The following RBBP9 variants were observed in gnomAD, a reference collection of about 807,000 sequenced individuals.
RBBP9 encodes the protein serine hydrolase RBBP9.
A neutral mutation model predicts 24.2 loss-of-function variants in RBBP9; 20 were observed. The ratio of observed to expected loss-of-function variants is 0.83; its 90% CI spans 0.58 to 1.20. RBBP9 has a LOEUF of 1.20. Among genes scored for constraint, RBBP9 ranks in the 50% most tolerant of loss-of-function variants. The probability of loss-of-function intolerance (pLI) is 0.00; values close to 1 mark genes in which losing one functional copy is unlikely to be tolerated. For synonymous variants in RBBP9, 74 were observed against 84.6 expected (o/e 0.87, Z 0.69); for missense variants, 234 against 233.6 (o/e 1.00, Z -0.01).
intron 3 of RBBP9, among the ~76,000 whole-genome samples, chr20:18,491,717 GAGT>G (rs1181347425): frequency 2.0e-5 from 3 of 152,182 alleles, no homozygotes; most frequent in Non-Finnish European, 2.9e-5. Flanking sequence ...TGCCAAGAAA[GAGT>G]TAGGGTTGGT....
Position 18,489,998 on chromosome 20 carries a change from GAA to G in RBBP9, c.335-10_335-9del. 2.0e-6 allele frequency: 3 copies of G among 1,481,766 alleles called. No homozygotes were observed. The highest frequency in any genetic ancestry group is 1.2e-5 in the South Asian group (1 of 81,954). The allele number at this position is 1,481,766 out of a possible 1,614,324, so 91.8% of individuals were successfully genotyped here. On this transcript the variant is annotated splice_polypyrimidine_tract_variant and intron_variant, in intron 4 of 4. Coordinates refer to ENST00000337227, the MANE Select transcript of RBBP9 (RefSeq NM_006606.3). Reference sequence around the variant, plus strand: ...AGGGGCGGGTGAAGTATCCTATGGGGAAAAAAAAATGATCTTTCAGTACCCAT... The same window carrying G: ...AGGGGCGGGTGAAGTATCCTATGGGGAAAAAAATGATCTTTCAGTACCCAT...
rs1179411414 is a variant in RBBP9, at chr20:18,493,996, G to A, written c.210C>T (p.Ile70=). 1.9e-6 allele frequency: 3 copies of A among 1,613,312 alleles called. No homozygotes were observed. The highest frequency in any genetic ancestry group is 1.7e-6 in the Non-Finnish European group (2 of 1,179,884). ...ETELHCDEKT[I]IIGHSSGAIA... ...TGGCCCCAGAACTGTGGCCAATGAT[G>A]ATAGTCTTCTCATCACAGTGCAGCT... Residue 70 remains isoleucine, a synonymous_variant, in exon 3 of 5, where the codon ATC becomes ATT. Transcript: ENST00000337227.
In RBBP9 at chr20:18,489,714, A is replaced by T; in HGVS notation, c.*50T>A. On this transcript the variant is annotated 3_prime_UTR_variant, in exon 5 of 5. Coordinates refer to ENST00000337227, the MANE Select transcript of RBBP9 (RefSeq NM_006606.3). Reference sequence around the variant, plus strand: ...GTGTCTAGTAATCAGCTGATAGTAGATATTATTCTACTCCTATATTGGGAT... The same window carrying T: ...GTGTCTAGTAATCAGCTGATAGTAGTTATTATTCTACTCCTATATTGGGAT... 1 of 1,238,824 alleles carries T rather than the reference A, an allele frequency of 8.1e-7. No individual in the cohort carries two copies. Among genetic ancestry groups the T allele is most frequent in the Non-Finnish European group, 1.2e-6 (1 of 849,702 alleles). 76.7% of individuals were successfully genotyped at this position (1,238,824 alleles called of 1,614,324 possible).
At chr20:18,493,314 T>A (rs11087256) in intron 3 of RBBP9, among the ~76,000 whole-genome samples, 1 of 151,972 alleles carries the variant, frequency 6.6e-6, no homozygotes, top group Non-Finnish European at 1.5e-5. Flanking sequence ...CCAGGCTCTC[T>A]TCTAGGCAAT....
intron 3 of RBBP9, 57 bp from the exon 4 acceptor site, chr20:18,490,537 A>T: frequency 7.5e-7 from 1 of 1,333,392 alleles, no homozygotes; most frequent in Admixed American, 1.7e-5. Flanking sequence ...ATCACCAAAA[A>T]GTCAATAAAC....
Position 18,493,950 on chromosome 20 carries a change from G to C in RBBP9, c.248+8C>G. 6.3e-7 allele frequency: 1 copy of C among 1,595,156 alleles called. No homozygotes were observed. Among genetic ancestry groups the C allele is most frequent in the Non-Finnish European group, 8.5e-7 (1 of 1,170,016 alleles). Reference sequence around the variant, plus strand: ...ACAAAGGGGATAGCAGTTTAACAAAGATCGCACCTCATGGCCGCGATGGCC... The same window carrying C: ...ACAAAGGGGATAGCAGTTTAACAAACATCGCACCTCATGGCCGCGATGGCC... On this transcript the variant is annotated splice_region_variant and intron_variant, in intron 3 of 4. Coordinates refer to ENST00000337227, the MANE Select transcript of RBBP9 (RefSeq NM_006606.3).
At position 18,489,833 on chromosome 20, in the gene RBBP9, G is replaced by A. The variant is rs2059857912; in HGVS notation, c.492C>T (p.Gly164=). ...ETKLHKFTDC[G]HFQNTEFHEL... Reference sequence around the variant, plus strand: ...CATGAAACTCTGTGTTCTGAAAGTGGCCACAGTCAGTGAATTTGTGCAATT... The same window carrying A: ...CATGAAACTCTGTGTTCTGAAAGTGACCACAGTCAGTGAATTTGTGCAATT... The change falls in exon 5 of 5, where the codon GGC becomes GGT. Residue 164 remains glycine, a synonymous_variant. Transcript: ENST00000337227. 1 of 1,614,008 alleles carries A rather than the reference G, an allele frequency of 6.2e-7. No individual in the cohort carries two copies. The highest frequency in any genetic ancestry group is 1.3e-5 in the African/African-American group (1 of 75,024).
chr20:18,489,797 A>G lies in RBBP9; in HGVS notation c.528T>C (p.Thr176=), dbSNP rs2148872884. ...FQNTEFHELI[T]VVKSLLKVPA ...GTACTTTCAGCAAAGACTTTACAAC[A>G]GTAATCAGTTCATGAAACTCTGTGT... The change falls in exon 5 of 5, where the codon ACT becomes ACC. Residue 176 remains threonine, a synonymous_variant. Transcript: ENST00000337227. 1 of 1,613,570 alleles carries G rather than the reference A, an allele frequency of 6.2e-7. No homozygotes were observed. Among genetic ancestry groups the G allele is most frequent in the African/African-American group, 1.3e-5 (1 of 75,052 alleles).
intron 2 of RBBP9, among the ~76,000 whole-genome samples, chr20:18,494,283 T>C (rs935986850): frequency 7.4e-3 from 3 of 404 alleles, no homozygotes; most frequent in Non-Finnish European, 0.039. Context: ...TTCTTTTCTC[T>C]TTTTTTTTTT....
rs1212374512 is a variant in RBBP9 at position 18,497,210 on chromosome 20, G to T, written c.-43C>A. ...AGTTCCCCAGCGCGGGTCCAGCGGA[G>T]CTGAGCCCAGCCTGCTCCCGCAGGG... On this transcript the variant is annotated 5_prime_UTR_variant, in exon 1 of 5. Transcript: ENST00000337227. 6.6e-6 allele frequency: 10 copies of T among 1,524,916 alleles called. No individual in the cohort carries two copies. Among genetic ancestry groups the T allele is most frequent in the Non-Finnish European group, 9.1e-6 (10 of 1,102,976 alleles). The allele number at this position is 1,524,916 out of a possible 1,614,324, so 94.5% of individuals were successfully genotyped here. A position where few individuals can be genotyped will look rare whatever the true frequency, so the allele number is the denominator to read the frequency against.
At chr20:18,495,643 T>TG (rs2059883847) in intron 2 of RBBP9, among the ~76,000 whole-genome samples, 195 bp downstream of exon 2, 1 of 118,818 alleles carries the variant, frequency 8.4e-6, no homozygotes, top group Non-Finnish European at 1.7e-5. Context: ...TTCACAGAAT[T>TG]GAAAAAAAAA....
At position 18,487,646 on chromosome 20, in the gene RBBP9, T is replaced by C. The variant is rs2148872198; in HGVS notation, c.*2118A>G. ...TGCTTAGTGTAACAAATTCAAATAA[T>C]CAGGAGGATAAAGTAAAATAAGGGG... On this transcript the variant is annotated 3_prime_UTR_variant, in exon 5 of 5. Coordinates refer to ENST00000337227, the MANE Select transcript of RBBP9 (RefSeq NM_006606.3). The C allele has an allele frequency of 6.6e-6, 1 of 152,250 alleles. No homozygotes were observed. Among genetic ancestry groups the C allele is most frequent in the South Asian group, 2.1e-4 (1 of 4,820 alleles). The allele number at this position is 152,250 out of a possible 1,614,324, so 9.4% of individuals were successfully genotyped here.
chr20:18,494,042 C>T lies in RBBP9; in HGVS notation c.164G>A (p.Trp55Ter), dbSNP rs1224102821. ...CAGCTCTGTCTCCATGAAGGGCAGCCAGATGCTCTCTCGTGCTGTAACTTA... is the reference window on the plus strand; with the variant it reads ...CAGCTCTGTCTCCATGAAGGGCAGCTAGATGCTCTCTCGTGCTGTAACTTA... Reference protein sequence around the residue: ...PDPITARESIWLPFMETELHC... With the variant: ...PDPITARESI Residue 55 changes from tryptophan (W) to a stop codon, truncating the protein, a stop_gained, in exon 3 of 5, where the codon TGG becomes TAG. Coordinates refer to ENST00000337227, the MANE Select transcript of RBBP9 (RefSeq NM_006606.3). LOFTEE classifies it high-confidence loss of function. 1 of 1,613,630 alleles carries T rather than the reference C, an allele frequency of 6.2e-7. No individual in the cohort carries two copies. Among genetic ancestry groups the T allele is most frequent in the African/African-American group, 1.3e-5 (1 of 74,852 alleles).
chr20:18,491,951 G>T (rs1242172968), intron 3 of RBBP9, among the ~76,000 whole-genome samples: 1 of 151,856 alleles, frequency 6.6e-6, no homozygotes, highest in African/African-American at 2.4e-5. Flanking sequence ...ACAAAAATTA[G>T]CCAGGTGTGG....
intron 2 of RBBP9, among the ~76,000 whole-genome samples, chr20:18,495,446 A>T (rs947574910): frequency 2.4e-4 from 37 of 151,264 alleles, no homozygotes; most frequent in Admixed American, 1.1e-3. Flanking sequence ...GGACGCAAAC[A>T]CTGCGGAAGG....
intron 2 of RBBP9, 81 bp from the exon 3 acceptor site, chr20:18,494,144 C>T: frequency 9.2e-7 from 1 of 1,091,566 alleles, no homozygotes. Flanking sequence ...TTCAAACAGG[C>T]AACTATTCAG....
At chr20:18,494,182 C>A (rs2059875502) in intron 2 of RBBP9, 119 bp from the exon 3 acceptor site, 1 of 721,630 alleles carries the variant, frequency 1.4e-6, no homozygotes, top group Admixed American at 2.7e-5. Context: ...AACTGCAGGA[C>A]CACAGCAGGA....
intron 4 of RBBP9, 49 bp downstream of exon 4, chr20:18,490,346 C>G: frequency 1.4e-6 from 2 of 1,431,336 alleles, no homozygotes; most frequent in Middle Eastern, 1.8e-4. Flanking sequence ...AAACAGACAG[C>G]CCCATGTCTA....
At chr20:18,493,513 A>T (rs2059872929) in intron 3 of RBBP9, among the ~76,000 whole-genome samples, 6 of 152,340 alleles carry the variant, frequency 3.9e-5, no homozygotes, top group Admixed American at 3.3e-4. Context: ...AGGCTTCACC[A>T]AAAGGGGACA....
Sources: gnomAD v4.1 joint callset for allele counts (sites outside exome capture counted in the v4.1 genomes callset) on GRCh38, gnomAD v4.1.1 for gene constraint, MANE v1.5 for transcripts, NCBI Gene and HGNC (gene_info 2026-07-23, HGNC 2026-07-21) for gene names.